OLAH: variants seen among roughly 807,000 people sequenced by gnomAD.
The protein encoded by OLAH is S-acyl fatty acid synthase thioesterase, medium chain.
OLAH carries 33 observed loss-of-function variants against 27.8 expected under a neutral mutation model. The ratio of observed to expected loss-of-function variants is 1.19; its 90% CI spans 0.90 to 1.59. OLAH has a LOEUF of 1.59. OLAH is among the 40% of genes most tolerant of loss of function. The pLI, the probability that OLAH is intolerant of heterozygous loss-of-function variation, is 0.00. For missense variants in OLAH, 359 were observed against 310.8 expected (o/e 1.16, Z -1.17); for synonymous variants, 120 against 102.9 (o/e 1.17, Z -1.01).
chr10:15,039,324 T>A (rs1483899285), upstream of OLAH, among the ~76,000 whole-genome samples: 1 of 152,078 alleles, frequency 6.6e-6, no homozygotes, highest in Non-Finnish European at 1.5e-5. Context: ...ATGCCTGTAA[T>A]CCCAGCACTT....
rs1224088494 is a variant in OLAH at position 15,047,266 on chromosome 10, A to G, written c.-23A>G. 2 of 1,613,138 alleles carry G rather than the reference A, an allele frequency of 1.2e-6. No individual in the cohort carries two copies. The highest frequency in any genetic ancestry group is 1.7e-6 in the Non-Finnish European group (2 of 1,179,564). On this transcript the variant is annotated 5_prime_UTR_variant, in exon 2 of 8. Coordinates refer to ENST00000378228, the MANE Select transcript of OLAH (RefSeq NM_001039702.3). ...ACTCAACACGCCACAGAGACCAGCC[A>G]TCTTGCAACCTCACCTCACAGCATG... is the stretch of plus-strand genomic sequence containing the variant.
At chr10:15,071,961 T>A in intron 7 of OLAH, 84 bp downstream of exon 7, 1 of 948,114 alleles carries the variant, frequency 1.1e-6, no homozygotes, top group Non-Finnish European at 1.7e-6. Flanking sequence ...TGAGACAGAG[T>A]CTCGCCCTGT....
At chr10:15,065,473 C>A in intron 5 of OLAH, 111 bp from the exon 6 acceptor site, 2 of 1,148,634 alleles carry the variant, frequency 1.7e-6, no homozygotes, top group Non-Finnish European at 2.4e-6. Flanking sequence ...ATAAAGCAGT[C>A]TACTTCCCAG....
chr10:15,067,865 C>T (rs1354661235), intron 6 of OLAH, among the ~76,000 whole-genome samples: 1 of 152,162 alleles, frequency 6.6e-6, no homozygotes, highest in African/African-American at 2.4e-5. Flanking sequence ...AAATTGTCAG[C>T]CGAGAAGTGC....
At chr10:15,042,031 C>A (rs890843172), upstream of OLAH, among the ~76,000 whole-genome samples, 9 of 151,974 alleles carry the variant, frequency 5.9e-5, no homozygotes, top group African/African-American at 2.2e-4. Context: ...GGACTCTATC[C>A]TACACTCTTC....
At chr10:15,039,872 T>C (rs1279979449), upstream of OLAH, among the ~76,000 whole-genome samples, 1 of 152,194 alleles carries the variant, frequency 6.6e-6, no homozygotes, top group Non-Finnish European at 1.5e-5. Flanking sequence ...CCTCATCTTA[T>C]GAGGAATCAA....
Position 15,073,319 on chromosome 10 carries a change from A to G in OLAH, c.*90A>G. On this transcript the variant is annotated 3_prime_UTR_variant, in exon 8 of 8. Transcript: ENST00000378228. ...TAGCTCAGTTTTATTCAGATTGGAA[A>G]TTACACATTTTCTACTGTCAGGGAG... 1 of 850,524 alleles carries G rather than the reference A, an allele frequency of 1.2e-6. No homozygotes were observed. Among genetic ancestry groups the G allele is most frequent in the Non-Finnish European group, 1.8e-6 (1 of 555,548 alleles). The allele number at this position is 850,524 out of a possible 1,614,324, so 52.7% of individuals were successfully genotyped here. A position where few individuals can be genotyped will look rare whatever the true frequency, so the allele number is the denominator to read the frequency against.
intron 1 of OLAH, among the ~76,000 whole-genome samples, chr10:15,032,961 C>T (rs1010331945): frequency 2.6e-5 from 4 of 152,112 alleles, no homozygotes; most frequent in African/African-American, 9.7e-5. Flanking sequence ...CAACCTCCAC[C>T]TCCCAGGTTC....
chr10:15,045,775 C>T (rs894813321), intron 1 of OLAH, among the ~76,000 whole-genome samples: 17 of 152,172 alleles, frequency 1.1e-4, no homozygotes, highest in Admixed American at 8.5e-4. Context: ...CCTAGGAAGT[C>T]AGAAGATAAA....
At chr10:15,045,091 G>C (rs533815053) in intron 1 of OLAH, among the ~76,000 whole-genome samples, 2 of 152,188 alleles carry the variant, frequency 1.3e-5, no homozygotes, top group African/African-American at 4.8e-5. Context: ...ATCTTGAGGA[G>C]AGAGTCACTG....
chr10:15,033,885 A>G (rs549199653), intron 1 of OLAH, among the ~76,000 whole-genome samples: 22 of 152,250 alleles, frequency 1.4e-4, no homozygotes, highest in African/African-American at 2.9e-4. Flanking sequence ...TTAATATTAC[A>G]AAGGCAATTA....
chr10:15,065,556 A>T, intron 5 of OLAH, 28 bp from the exon 6 acceptor site: 1 of 1,578,928 alleles, frequency 6.3e-7, no homozygotes, highest in South Asian at 1.2e-5. Flanking sequence ...ATGAAATATC[A>T]GGCCTGTGTT....
chr10:15,038,401 TG>T (rs1843874006), intron 1 of OLAH, among the ~76,000 whole-genome samples: 1 of 152,136 alleles, frequency 6.6e-6, no homozygotes, highest in Non-Finnish European at 1.5e-5. Context: ...GGGTCCAGGG[TG>T]GAATAATACT....
chr10:15,071,708 C>T (rs1305227166), intron 6 of OLAH, 87 bp from the exon 7 acceptor site: 2 of 1,464,406 alleles, frequency 1.4e-6, no homozygotes, highest in East Asian at 2.3e-5. Flanking sequence ...AGTGAACCCA[C>T]CCCAAGTTTC....
At position 15,047,195 on chromosome 10, in the gene OLAH, C is replaced by T. The variant is rs1251282765; in HGVS notation, c.-94C>T. ...TACTCACTCTTCTGTGTGCATAAGG[C>T]CGAGCAGAGGTTCTTCGTCTCAAGA... On this transcript the variant is annotated 5_prime_UTR_variant, in exon 2 of 8. Coordinates refer to ENST00000378228, the MANE Select transcript of OLAH (RefSeq NM_001039702.3). 3.1e-5 allele frequency: 40 copies of T among 1,289,518 alleles called. No individual in the cohort carries two copies. Among genetic ancestry groups the T allele is most frequent in the Non-Finnish European group, 4.3e-5 (39 of 915,088 alleles). 79.9% of individuals were successfully genotyped at this position (1,289,518 alleles called of 1,614,324 possible).
At chr10:15,055,259 G>A (rs1449174459) in intron 3 of OLAH, among the ~76,000 whole-genome samples, 1 of 152,138 alleles carries the variant, frequency 6.6e-6, no homozygotes, top group African/African-American at 2.4e-5. Context: ...TTTTCCTGAC[G>A]AGCAAGAATA....
chr10:15,064,681 G>A (rs1009521885), intron 5 of OLAH, among the ~76,000 whole-genome samples, 179 bp downstream of exon 5: 1 of 152,172 alleles, frequency 6.6e-6, no homozygotes, highest in African/African-American at 2.4e-5. Context: ...TTTCCGAGAT[G>A]GAGTCTCATT....
At chr10:15,056,674 A>T in intron 3 of OLAH, 1 of 734,430 alleles carries the variant, frequency 1.4e-6, no homozygotes, top group Non-Finnish European at 1.9e-6. Context: ...TCTGTTGCCC[A>T]GGCTGGAGTA....
intron 3 of OLAH, chr10:15,057,101 A>C: frequency 8.4e-7 from 1 of 1,194,122 alleles, no homozygotes; most frequent in Middle Eastern, 2.3e-4. Context: ...CTCTTCTTTT[A>C]AACTTTATGC....
Sources: gnomAD v4.1 joint callset for allele counts (sites outside exome capture counted in the v4.1 genomes callset) on GRCh38, gnomAD v4.1.1 for gene constraint, MANE v1.5 for transcripts, NCBI Gene and HGNC (gene_info 2026-07-23, HGNC 2026-07-21) for gene names.